TOP2B: variants seen among roughly 807,000 people sequenced by gnomAD.
The protein encoded by TOP2B is DNA topoisomerase 2-beta.
TOP2B carries 51 observed loss-of-function variants against 193.5 expected under a neutral mutation model. The observed-to-expected ratio is 0.26, with a 90% CI of 0.21 to 0.33. The LOEUF is 0.33. TOP2B is among the 10% of genes least tolerant of loss of function. The pLI is 1.00. For missense variants in TOP2B, 1,378 were observed against 1,909.3 expected, an observed-to-expected ratio of 0.72 and a Z score of 5.19; for synonymous variants, 634 against 635.7, an observed-to-expected ratio of 1.00 and a Z score of 0.04.
chr3:25,619,565 C>T (rs1702602897), intron 23 of TOP2B, among the ~76,000 whole-genome samples: 1 of 151,896 alleles, frequency 6.6e-6, no homozygotes. Flanking sequence ...CCATAAAGTA[C>T]ACAAAGGCCC....
intron 1 of TOP2B, among the ~76,000 whole-genome samples, chr3:25,657,100 A>T (rs1481883314): frequency 6.6e-6 from 1 of 152,226 alleles, no homozygotes; most frequent in East Asian, 1.9e-4. Flanking sequence ...AACAAATGGT[A>T]ATTTACATTG....
intron 34 of TOP2B, 73 bp downstream of exon 34, chr3:25,601,027 T>G: frequency 2.0e-6 from 3 of 1,509,898 alleles, no homozygotes; most frequent in Non-Finnish European, 1.8e-6. Context: ...CTCTCTAAAT[T>G]CAATGAGGTA....
intron 1 of TOP2B, among the ~76,000 whole-genome samples, chr3:25,650,298 T>C (rs1269295325): frequency 6.6e-6 from 1 of 152,206 alleles, no homozygotes; most frequent in Non-Finnish European, 1.5e-5. Context: ...TGGCCCTTCA[T>C]AAAGTCAACA....
At chr3:25,636,454 T>G (rs1575578805) in intron 6 of TOP2B, among the ~76,000 whole-genome samples, 1 of 152,130 alleles carries the variant, frequency 6.6e-6, no homozygotes, top group South Asian at 2.1e-4. Flanking sequence ...TTACATATTA[T>G]AAGTAATCTA....
rs765115114 is a variant in TOP2B, at chr3:25,624,746, C to T, written c.2282G>A (p.Arg761His). ...LFTCFKRNDKREVKVAQLAGS... is the reference protein window; with the variant it reads ...LFTCFKRNDKHEVKVAQLAGS... Reference sequence around the variant, plus strand: ...AGCCAACTGGGCAACTTTTACTTCACGTTTATCATTCCTCTTGAAACAGGT... The same window carrying T: ...AGCCAACTGGGCAACTTTTACTTCATGTTTATCATTCCTCTTGAAACAGGT... Residue 761 changes from arginine (R) to histidine (H), a missense_variant, in exon 19 of 36, where the codon CGT becomes CAT. Arg to His is a conservative substitution (Grantham distance 29). Coordinates refer to ENST00000264331, the MANE Select transcript of TOP2B (RefSeq NM_001330700.2). 54 of 1,613,650 alleles carry T rather than the reference C, an allele frequency of 3.3e-5. No homozygotes were observed. Among genetic ancestry groups the T allele is most frequent in the Non-Finnish European group, 4.3e-5 (51 of 1,179,756 alleles).
At chr3:25,651,445 T>TA (rs34010313) in intron 1 of TOP2B, among the ~76,000 whole-genome samples, 27,687 of 118,360 alleles carry the variant, frequency 0.23, 2,666 homozygotes, top group Admixed American at 0.24. Context: ...AACATGTCAC[T>TA]AAAAAAAAAA....
chr3:25,630,389 C>T lies in TOP2B; in HGVS notation c.1486G>A (p.Val496Met). Residue 496 changes from valine (V) to methionine (M), a missense_variant, in exon 12 of 36, where the codon GTG (valine) becomes ATG (methionine). This residue lies in a region of TOP2B where 66 missense variants were observed against 153.3 expected (regional missense o/e 0.43). Transcript: ENST00000264331. ...ACTCCGTATCTGTCTCGTCCAATCA[C>T]ACCTAATCCAGACACAGCCAGTGAT... ...AKSLAVSGLG[V>M]IGRDRYGVFP... The T allele has an allele frequency of 6.4e-7, 1 of 1,551,740 alleles. No homozygotes were observed. The highest frequency in any genetic ancestry group is 8.7e-7 in the Non-Finnish European group (1 of 1,146,896).
intron 1 of TOP2B, 61 bp downstream of exon 1, chr3:25,664,168 T>G: frequency 1.5e-6 from 2 of 1,348,458 alleles, no homozygotes; most frequent in Non-Finnish European, 2.0e-6. Flanking sequence ...CCGTTCGGAA[T>G]TCCGCCCCCG....
chr3:25,607,603 T>C (rs888037654), intron 30 of TOP2B, among the ~76,000 whole-genome samples: 1 of 152,178 alleles, frequency 6.6e-6, no homozygotes. Flanking sequence ...ATACTGTGCA[T>C]GTTAGGAGAG....
At chr3:25,657,667 C>G (rs1221763352) in intron 1 of TOP2B, among the ~76,000 whole-genome samples, 1 of 152,214 alleles carries the variant, frequency 6.6e-6, no homozygotes, top group Non-Finnish European at 1.5e-5. Context: ...GATTTTACCT[C>G]TTTTTATTCT....
chr3:25,617,930 G>C (rs1702548338), intron 25 of TOP2B, among the ~76,000 whole-genome samples: 2 of 152,274 alleles, frequency 1.3e-5, no homozygotes, highest in Admixed American at 1.3e-4. Flanking sequence ...CTAAGCATGA[G>C]GCAGAGCTTG....
chr3:25,660,699 C>G (rs906039291), intron 1 of TOP2B, among the ~76,000 whole-genome samples: 1 of 152,100 alleles, frequency 6.6e-6, no homozygotes, highest in Non-Finnish European at 1.5e-5. Context: ...TCTGGCTCAG[C>G]AATTTAGACT....
chr3:25,637,925 A>T (rs181786241), intron 5 of TOP2B, among the ~76,000 whole-genome samples: 3 of 152,066 alleles, frequency 2.0e-5, no homozygotes, highest in Admixed American at 2.0e-4. Context: ...ATCAAAACTC[A>T]AACTGTCAGC....
Position 25,622,558 on chromosome 3 carries a change from G to A in TOP2B, c.2727+957C>T, listed in dbSNP as rs144509082. ...CCAGGTAATTTTAAATCATGGGGAG[G>A]AAGGAAGGACATTTTTCTTGGAGGA... On this transcript the variant is annotated intron_variant, in intron 21 of 35. Coordinates refer to ENST00000264331, the MANE Select transcript of TOP2B (RefSeq NM_001330700.2). Among the ~76,000 whole-genome samples, 4 of 151,566 alleles carry A rather than the reference G, an allele frequency of 2.6e-5. No homozygotes were observed. In the East Asian group the frequency reaches 7.8e-4, roughly 29 times the overall value.
Position 25,609,244 on chromosome 3 carries a change from A to T in TOP2B, c.4032T>A (p.Ser1344Arg), listed in dbSNP as rs766218507. 6.2e-7 allele frequency: 1 copy of T among 1,606,430 alleles called. No individual in the cohort carries two copies. The highest frequency in any genetic ancestry group is 2.2e-5 in the East Asian group (1 of 44,660). The change falls in exon 30 of 36, where the codon AGT becomes AGA. Residue 1344 changes from serine to arginine, a missense_variant. By Grantham distance (110) the Ser-to-Arg change is moderately radical. Transcript: ENST00000264331. ...PWSDDESKSE[S>R]DLEETEPVVI... ...CCACAGGTTCTGTTTCTTCCAAATC[A>T]CTTTCTGACTTGGATTCATCATCTG... is the stretch of plus-strand genomic sequence containing the variant.
In TOP2B at chr3:25,604,846, T is replaced by C. The variant is rs1353921390; in HGVS notation, c.4403A>G (p.Glu1468Gly). 1 of 1,612,644 alleles carries C rather than the reference T, an allele frequency of 6.2e-7. No individual in the cohort carries two copies. The highest frequency in any genetic ancestry group is 1.7e-5 in the Admixed American group (1 of 59,914). ...EDDSAKFDSNEEDSASVFSPS... is the reference protein window; with the variant it reads ...EDDSAKFDSNGEDSASVFSPS... ...TGAAAAAACAGAAGCAGAATCTTCT[T>C]CATTACTGTCAAATTTAGCTGAATC... The change falls in exon 33 of 36, where the codon GAA (glutamate) becomes GGA (glycine). Residue 1468 changes from glutamate (E) to glycine (G), a missense_variant. Around this residue, in one of 9 missense-constraint regions of TOP2B, gnomAD observed 556 missense variants for 584.2 expected, o/e 0.95. Coordinates refer to ENST00000264331, the MANE Select transcript of TOP2B (RefSeq NM_001330700.2).
chr3:25,607,435 A>G, intron 30 of TOP2B, 60 bp from the exon 31 acceptor site: 1 of 1,487,800 alleles, frequency 6.7e-7, no homozygotes, highest in African/African-American at 1.4e-5. Flanking sequence ...TACATGAATT[A>G]TTATTACTGA....
rs1379781814 is a variant in TOP2B at position 25,657,283 on chromosome 3, G to A, written c.69+6946C>T. Among the ~76,000 whole-genome samples the A allele has an allele frequency of 2.0e-5, 3 of 152,154 alleles. No homozygotes were observed. In the East Asian group the frequency reaches 5.8e-4, roughly 29 times the overall value. ...TCAAAATCTGGGGTAAGGGGAGAGA[G>A]GGCAACTTACCCAGTTAATATGATG... On this transcript the variant is annotated intron_variant, in intron 1 of 35. Coordinates refer to ENST00000264331, the MANE Select transcript of TOP2B (RefSeq NM_001330700.2).
intron 1 of TOP2B, among the ~76,000 whole-genome samples, chr3:25,653,258 A>T (rs774685139): frequency 9.9e-5 from 15 of 152,194 alleles, no homozygotes; most frequent in Non-Finnish European, 2.1e-4. Context: ...GGCAGGGAAC[A>T]CTTCCAGAAT....
Sources: allele counts gnomAD v4.1 joint callset (sites outside exome capture counted in the v4.1 genomes callset), GRCh38; gene constraint gnomAD v4.1.1; regional missense constraint gnomAD v4.1.1; transcripts MANE v1.5; gene names NCBI Gene and HGNC (gene_info 2026-07-23, HGNC 2026-07-21).